Variants in SLC26A5 observed in about 807,000 individuals in gnomAD.
The protein encoded by SLC26A5 is prestin.
In SLC26A5, 51 loss-of-function variants were observed where a neutral mutation model predicts 81.0. That is an observed-to-expected ratio of 0.63 (90% CI 0.50 to 0.80). The LOEUF is 0.80. Among genes scored for constraint, SLC26A5 ranks in the 30% least tolerant of loss-of-function variants. SLC26A5 has a pLI of 0.00. For synonymous variants in SLC26A5, 325 were observed against 332.8 expected (o/e 0.98, Z 0.25); for missense variants, 771 against 905.8 (o/e 0.85, Z 1.91).
At chr7:103,413,772 A>C (rs1824690254) in intron 4 of SLC26A5, among the ~76,000 whole-genome samples, 1 of 152,174 alleles carries the variant, frequency 6.6e-6, no homozygotes, top group South Asian at 2.1e-4. Flanking sequence ...GGTCCTAGGC[A>C]GTTCACATCA....
At chr7:103,410,325 A>G (rs1824382254) in intron 7 of SLC26A5, 60 bp downstream of exon 7, 1 of 1,392,700 alleles carries the variant, frequency 7.2e-7, no homozygotes. Flanking sequence ...GAGATACAGA[A>G]GAGAAGGTTG....
At chr7:103,387,414 T>C (rs1247031068) in intron 14 of SLC26A5, among the ~76,000 whole-genome samples, 5 of 152,288 alleles carry the variant, frequency 3.3e-5, no homozygotes, top group East Asian at 3.9e-4. Flanking sequence ...TTTGCAACCA[T>C]AGGCAAAACC....
intron 19 of SLC26A5, chr7:103,353,039 A>G (rs945075689): frequency 7.8e-6 from 6 of 768,262 alleles, no homozygotes; most frequent in East Asian, 2.5e-5. Context: ...GGGGATTACA[A>G]ATAAATTTGA....
intron 2 of SLC26A5, among the ~76,000 whole-genome samples, chr7:103,433,848 G>A (rs1461996093): frequency 6.6e-6 from 1 of 151,544 alleles, no homozygotes; most frequent in African/African-American, 2.4e-5. Flanking sequence ...GACTACAGGT[G>A]CCCGCCACCA....
chr7:103,436,882 G>T (rs1021318304), intron 2 of SLC26A5, among the ~76,000 whole-genome samples: 1 of 152,134 alleles, frequency 6.6e-6, no homozygotes, highest in Non-Finnish European at 1.5e-5. Context: ...GCTGGTCTAG[G>T]CAATGATTTT....
chr7:103,430,567 G>T (rs1344057309), intron 2 of SLC26A5, among the ~76,000 whole-genome samples: 1 of 86,402 alleles, frequency 1.2e-5, no homozygotes, highest in African/African-American at 9.6e-5. Flanking sequence ...GGTGACCAAG[G>T]TCCTGGCTTC....
chr7:103,367,872 C>G lies in SLC26A5; in HGVS notation c.2041+8936G>C. 6.2e-7 allele frequency: 1 copy of G among 1,611,350 alleles called. No individual in the cohort carries two copies. The highest frequency in any genetic ancestry group is 8.5e-7 in the Non-Finnish European group (1 of 1,178,928). On this transcript the variant is annotated intron_variant, in intron 19 of 19. Transcript: ENST00000339444. The surrounding 1 kb of genome is among the most constrained non-coding windows in gnomAD (Gnocchi z 6.1). ...CTGCTCAGGCTGCTTTAATTAAGCC[C>G]GTTTATTTTCTTTTTGTTTGAAAGG...
At chr7:103,379,879 C>G (rs4498476) in intron 15 of SLC26A5, among the ~76,000 whole-genome samples, 10,164 of 152,106 alleles carry the variant, frequency 0.067, 441 homozygotes, top group East Asian at 0.24. Context: ...TTCTTTGGAT[C>G]GAGGAAAAAT....
At chr7:103,434,690 T>G (rs1826324881) in intron 2 of SLC26A5, among the ~76,000 whole-genome samples, 1 of 152,080 alleles carries the variant, frequency 6.6e-6, no homozygotes, top group Admixed American at 6.5e-5. Flanking sequence ...CTCACTCTAT[T>G]GCCCAGGCTG....
rs534391144 is a variant in SLC26A5 at position 103,390,952 on chromosome 7, G to C, written c.1234-446C>G. ...GCGACCCTGGCTCACTGCAACCTCT[G>C]CCTCCTGGGTTCAAGCGATTCTCCC... On this transcript the variant is annotated intron_variant, in intron 11 of 19. Transcript: ENST00000306312. Among the ~76,000 whole-genome samples the C allele has an allele frequency of 3.3e-5, 5 of 149,748 alleles. 1 individual carries two copies. In the South Asian group the frequency reaches 1.1e-3, roughly 32 times the overall value.
intron 4 of SLC26A5, among the ~76,000 whole-genome samples, chr7:103,417,305 G>A (rs1205417908): frequency 1.3e-5 from 2 of 150,630 alleles, no homozygotes; most frequent in Non-Finnish European, 2.9e-5. Context: ...GGGAGGCGGA[G>A]GTTGCAGTGA....
At chr7:103,368,295 G>A in intron 19 of SLC26A5, 1 of 381,472 alleles carries the variant, frequency 2.6e-6, no homozygotes, top group Non-Finnish European at 4.7e-6. Context: ...CAAAGCGCTT[G>A]CTTAGATGGC....
intron 2 of SLC26A5, among the ~76,000 whole-genome samples, chr7:103,425,473 G>C (rs1401709010): frequency 6.6e-6 from 1 of 152,146 alleles, no homozygotes; most frequent in Non-Finnish European, 1.5e-5. Flanking sequence ...ATCTGAGAGA[G>C]AGAGAAATAC....
intron 19 of SLC26A5, chr7:103,365,935 TAAAA>T: frequency 1.5e-6 from 1 of 683,160 alleles, no homozygotes; most frequent in East Asian, 2.9e-5. Context: ...CTCAAAAAAA[TAAAA>T]AAATAAAAAA....
intron 19 of SLC26A5, among the ~76,000 whole-genome samples, chr7:103,359,296 C>A (rs1199772778): frequency 6.6e-6 from 1 of 151,650 alleles, no homozygotes; most frequent in Admixed American, 6.6e-5. Context: ...CCGTGCCCAG[C>A]CAGCTTATGA....
chr7:103,361,782 C>G (rs543211708), intron 19 of SLC26A5, among the ~76,000 whole-genome samples: 22 of 152,256 alleles, frequency 1.4e-4, no homozygotes, highest in African/African-American at 4.6e-4. Context: ...TATGACTTGG[C>G]TAAAGTCGAA....
chr7:103,379,230 T>A lies in SLC26A5; in HGVS notation c.1677+13A>T. On this transcript the variant is annotated intron_variant, in intron 16 of 19. Transcript: ENST00000306312. ...ATCCCATCCTCAGAAATAATCAATT[T>A]CTCATGACTCACCTTTCGTTTTAAT... 6.3e-7 allele frequency: 1 copy of A among 1,583,010 alleles called. No individual in the cohort carries two copies. The highest frequency in any genetic ancestry group is 2.2e-5 in the East Asian group (1 of 44,638).
At chr7:103,385,260 T>C (rs887957211) in intron 14 of SLC26A5, among the ~76,000 whole-genome samples, 2 of 152,014 alleles carry the variant, frequency 1.3e-5, no homozygotes, top group Non-Finnish European at 2.9e-5. Flanking sequence ...CTCCCCGGGT[T>C]CACACCATTC....
chr7:103,403,695 C>CTTTTTTTTTTTTTT (rs561652280), intron 8 of SLC26A5, among the ~76,000 whole-genome samples: 1 of 128,582 alleles, frequency 7.8e-6, no homozygotes, highest in African/African-American at 2.9e-5. Context: ...CAATCCCCTG[C>CTTTTTTTTTTTTTT]TTTTTTTTTT....
Sources: allele counts gnomAD v4.1 joint callset (sites outside exome capture counted in the v4.1 genomes callset), GRCh38; gene constraint gnomAD v4.1.1; non-coding constraint Gnocchi (gnomAD v3.1); transcripts MANE v1.5; gene names NCBI Gene and HGNC (gene_info 2026-07-23, HGNC 2026-07-21).